Variants in ATP7A observed in about 807,000 individuals in gnomAD.
ATP7A encodes ATPase copper transporting alpha.
A neutral mutation model predicts 83.5 loss-of-function variants in ATP7A; 7 were observed. The ratio of observed to expected loss-of-function variants is 0.08; its 90% CI spans 0.05 to 0.16. The LOEUF (loss-of-function observed/expected upper bound fraction) is 0.16. Ranked by LOEUF, ATP7A falls within the 10% of genes least tolerant of loss-of-function variation. The probability of loss-of-function intolerance (pLI) is 1.00; values close to 1 mark genes in which losing one functional copy is unlikely to be tolerated. For synonymous variants in ATP7A, 354 were observed against 395.2 expected (o/e 0.90, Z 1.24); for missense variants, 940 against 1,120.8 (o/e 0.84, Z 2.30).
chrX:77,967,785 A>G (rs927827706), intron 1 of ATP7A, among the ~76,000 whole-genome samples: 24 of 111,695 alleles, frequency 2.1e-4, no homozygotes, highest in Admixed American at 9.6e-5. Flanking sequence ...ATAACATAAT[A>G]CCATAGACTG....
At chrX:77,994,071 A>C (rs1044818083) in intron 4 of ATP7A, among the ~76,000 whole-genome samples, 1 of 110,321 alleles carries the variant, frequency 9.1e-6, no homozygotes, top group Non-Finnish European at 1.9e-5. Flanking sequence ...TTTTATTATT[A>C]TTATTATTAT....
chrX:78,039,668 C>T (rs1050738641), intron 18 of ATP7A, among the ~76,000 whole-genome samples: 6 of 112,033 alleles, frequency 5.4e-5, no homozygotes, highest in African/African-American at 1.9e-4. Flanking sequence ...TATTCCATTC[C>T]TAGTTTTCTT....
intron 1 of ATP7A, among the ~76,000 whole-genome samples, chrX:77,939,061 C>T (rs959999444): frequency 1.8e-5 from 2 of 111,187 alleles, no homozygotes; most frequent in Admixed American, 9.6e-5. Flanking sequence ...TTTGGGAGGC[C>T]GAGGCAAGTG....
chrX:77,999,627 G>GT (rs1215753105), intron 5 of ATP7A, among the ~76,000 whole-genome samples: 1 of 111,629 alleles, frequency 9.0e-6, no homozygotes, highest in Admixed American at 9.6e-5. Flanking sequence ...ATGATGGCCA[G>GT]GCACGGTGAC....
Position 78,038,969 on chromosome X carries a change from A to T in ATP7A, c.3645A>T (p.Leu1215Phe). The T allele has an allele frequency of 8.3e-7, 1 of 1,210,872 alleles. No individual in the cohort carries two copies. The highest frequency in any genetic ancestry group is 2.2e-5 in the Admixed American group (1 of 46,042). Reference sequence around the variant, plus strand: ...AGAGAAAAGGTCGGACTGCTGTATTAGTAGCAGTTGATGGTAAGGTTTTCC... The same window carrying T: ...AGAGAAAAGGTCGGACTGCTGTATTTGTAGCAGTTGATGGTAAGGTTTTCC... ...EHERKGRTAV[L>F]VAVDDELCGL... is the part of the protein sequence containing the mutation. The change falls in exon 18 of 23, where the codon TTA becomes TTT. Residue 1215 changes from leucine (L) to phenylalanine (F), a missense_variant. By Grantham distance (22) the Leu-to-Phe change is conservative. Coordinates refer to ENST00000341514, the MANE Select transcript of ATP7A (RefSeq NM_000052.7).
At chrX:78,007,257 T>C (rs1049899440) in intron 6 of ATP7A, among the ~76,000 whole-genome samples, 16 of 112,631 alleles carry the variant, frequency 1.4e-4, no homozygotes, top group African/African-American at 4.8e-4. Flanking sequence ...TGATGACTAA[T>C]AATGTTGAGT....
intron 20 of ATP7A, 89 bp downstream of exon 20, chrX:78,042,877 C>A: frequency 9.9e-7 from 1 of 1,010,883 alleles, no homozygotes; most frequent in Non-Finnish European, 1.4e-6. Flanking sequence ...CATAACAATT[C>A]TGTCTTAAGT....
At position 78,033,632 on chromosome X, in the gene ATP7A, T is replaced by C. The variant is rs781836676; in HGVS notation, c.3322T>C (p.Cys1108Arg). The change falls in exon 17 of 23, where the codon TGC (cysteine) becomes CGC (arginine). Residue 1108 changes from cysteine to arginine, a missense_variant. Physicochemically the swap from Cys to Arg is radical, Grantham distance 180 (BLOSUM62 -3). Transcript: ENST00000341514. ...QELDTETLGT[C>R]IDFQVVPGCG... is the part of the protein sequence containing the mutation. The stretch of plus-strand genomic sequence containing the variant: ...GCTGGACACTGAAACCTTGGGTACC[T>C]GCATAGATTTCCAGGTTGTGCCAGG... The C allele has an allele frequency of 2.5e-6, 3 of 1,211,866 alleles. No homozygotes were observed. In the Admixed American group the frequency reaches 6.5e-5, roughly 26 times the overall value.
At chrX:78,043,291 A>G (rs377294959) in intron 20 of ATP7A, 26 bp from the exon 21 acceptor site, 2 of 1,069,344 alleles carry the variant, frequency 1.9e-6, no homozygotes, top group African/African-American at 3.7e-5. Flanking sequence ...GTCTCTTACT[A>G]ATATCACAAA....
chrX:78,003,169 G>A lies in ATP7A; in HGVS notation c.1640G>A (p.Arg547Gln). The change falls in exon 6 of 23, where the codon CGA becomes CAA. Residue 547 changes from arginine to glutamine, a missense_variant. Around this residue, in one of 3 missense-constraint regions of ATP7A, gnomAD observed 350 missense variants for 432.8 expected, o/e 0.81. Transcript: ENST00000341514. ...CCCCCAATGATAGCAGAGTTCATCC[G>A]AGAACTTGGATTTGGAGCCACTGTG... The part of the protein sequence containing the change: ...IQPPMIAEFI[R>Q]ELGFGATVIE... The A allele has an allele frequency of 9.9e-6, 12 of 1,210,053 alleles. No homozygotes were observed. Among genetic ancestry groups the A allele is most frequent in the Non-Finnish European group, 1.3e-5 (12 of 894,229 alleles).
intron 1 of ATP7A, among the ~76,000 whole-genome samples, chrX:77,931,974 G>C (rs1479875840): frequency 5.7e-5 from 6 of 104,627 alleles, no homozygotes; most frequent in East Asian, 3.2e-4. Context: ...CCTCCCGGAC[G>C]GGGCGGCTGG....
At chrX:77,943,247 A>T (rs936589365) in intron 1 of ATP7A, among the ~76,000 whole-genome samples, 1 of 112,461 alleles carries the variant, frequency 8.9e-6, no homozygotes, top group Non-Finnish European at 1.9e-5. Context: ...AATCTTACAG[A>T]TTTGAAAATT....
intron 5 of ATP7A, among the ~76,000 whole-genome samples, chrX:77,999,217 A>C (rs186861047): frequency 1.8e-5 from 2 of 110,188 alleles, no homozygotes; most frequent in Non-Finnish European, 3.8e-5. Context: ...GGCTGATCTC[A>C]AACTCCTGGC....
chrX:77,946,502 T>C (rs2077380231), intron 1 of ATP7A, among the ~76,000 whole-genome samples: 1 of 109,688 alleles, frequency 9.1e-6, no homozygotes, highest in South Asian at 3.8e-4. Flanking sequence ...ACATTTAAAG[T>C]ATATATAACA....
chrX:77,938,612 A>G (rs992720586), intron 1 of ATP7A, among the ~76,000 whole-genome samples: 5 of 112,464 alleles, frequency 4.4e-5, no homozygotes, highest in Non-Finnish European at 7.5e-5. Context: ...AGGAATATAC[A>G]TGGGTAGTGA....
At chrX:78,017,875 A>C (rs1390756389) in intron 12 of ATP7A, among the ~76,000 whole-genome samples, 1 of 93,683 alleles carries the variant, frequency 1.1e-5, no homozygotes, top group African/African-American at 4.1e-5. Context: ...CTCCCGGTTC[A>C]CCCCATTCTC....
intron 2 of ATP7A, among the ~76,000 whole-genome samples, chrX:77,981,559 C>T (rs1557230910): frequency 1.8e-5 from 2 of 111,849 alleles, no homozygotes; most frequent in African/African-American, 6.5e-5. Flanking sequence ...GCTGTAATCC[C>T]AGTACTTTGG....
intron 6 of ATP7A, among the ~76,000 whole-genome samples, chrX:78,004,344 A>G (rs2077759269): frequency 8.9e-6 from 1 of 112,587 alleles, no homozygotes; most frequent in Non-Finnish European, 1.9e-5. Flanking sequence ...AGAAACTTGC[A>G]TCTTTTCAAC....
At chrX:78,016,536 G>A (rs2077865452) in intron 12 of ATP7A, among the ~76,000 whole-genome samples, 1 of 111,294 alleles carries the variant, frequency 9.0e-6, no homozygotes, top group Non-Finnish European at 1.9e-5. Context: ...TCTCATCTGA[G>A]ACAAGACAAG....
Sources: allele counts gnomAD v4.1 joint callset (sites outside exome capture counted in the v4.1 genomes callset), GRCh38; gene constraint gnomAD v4.1.1; regional missense constraint gnomAD v4.1.1; transcripts MANE v1.5; gene names NCBI Gene and HGNC (gene_info 2026-07-23, HGNC 2026-07-21).